INPP4B: variants seen among roughly 807,000 people sequenced by gnomAD.
The protein encoded by INPP4B is inositol polyphosphate-4-phosphatase type II B.
INPP4B carries 55 observed loss-of-function variants against 122.5 expected under a neutral mutation model. The ratio of observed to expected loss-of-function variants is 0.45; its 90% CI spans 0.36 to 0.56. INPP4B has a LOEUF of 0.56. INPP4B is among the 20% of genes least tolerant of loss of function. INPP4B has a pLI of 0.00. For missense variants in INPP4B, 1,000 were observed against 1,097.7 expected, an observed-to-expected ratio of 0.91 and a Z score of 1.26; for synonymous variants, 403 against 388.7, an observed-to-expected ratio of 1.04 and a Z score of -0.43.
intron 7 of INPP4B, among the ~76,000 whole-genome samples, chr4:142,348,795 GT>G (rs1781088009): frequency 6.6e-6 from 1 of 151,964 alleles, no homozygotes; most frequent in African/African-American, 2.4e-5. Context: ...AACCTTATCT[GT>G]CATAAGACTC....
chr4:142,029,118 T>C, intron 25 of INPP4B: 1 of 1,299,630 alleles, frequency 7.7e-7, no homozygotes. Context: ...CTGAAAGAGA[T>C]GACTTAAGTC....
intron 7 of INPP4B, among the ~76,000 whole-genome samples, chr4:142,383,354 A>C (rs1361728996): frequency 6.6e-6 from 1 of 152,168 alleles, no homozygotes; most frequent in African/African-American, 2.4e-5. Context: ...CTTATGTACC[A>C]GTGTTTCAAA....
chr4:142,339,993 T>C (rs921351471), intron 7 of INPP4B, among the ~76,000 whole-genome samples: 1 of 151,676 alleles, frequency 6.6e-6, no homozygotes, highest in Middle Eastern at 3.2e-3. Flanking sequence ...CAAAGAAAGA[T>C]TTTTTTTTAT....
chr4:142,625,633 T>C (rs540756024), intron 2 of INPP4B, among the ~76,000 whole-genome samples: 27 of 152,082 alleles, frequency 1.8e-4, no homozygotes, highest in African/African-American at 6.0e-4. Context: ...AAAAAACTAC[T>C]TTAAAGTTCA....
At chr4:142,176,118 T>TATTATTA (rs1828065582) in intron 15 of INPP4B, among the ~76,000 whole-genome samples, 2 of 137,620 alleles carry the variant, frequency 1.5e-5, no homozygotes, top group African/African-American at 5.3e-5. Flanking sequence ...ACTGCTTTCT[T>TATTATTA]TTATTATTAT....
chr4:142,543,887 T>A (rs971319789), intron 2 of INPP4B, among the ~76,000 whole-genome samples: 2 of 152,130 alleles, frequency 1.3e-5, no homozygotes, highest in Non-Finnish European at 2.9e-5. Context: ...GATATCAAAG[T>A]AAGTACAGGA....
chr4:142,307,155 C>T (rs1364007534), intron 8 of INPP4B, among the ~76,000 whole-genome samples: 4 of 152,128 alleles, frequency 2.6e-5, no homozygotes. Context: ...TGAGCTGTAT[C>T]AGCAAAGCAT....
intron 7 of INPP4B, among the ~76,000 whole-genome samples, chr4:142,316,148 G>A (rs185250334): frequency 1.3e-5 from 2 of 152,244 alleles, no homozygotes; most frequent in Admixed American, 1.3e-4. Context: ...CAATTTGTCA[G>A]TCATTATAAC....
Position 142,678,885 on chromosome 4 carries a change from TC to T in INPP4B, c.-191+46953del, listed in dbSNP as rs1169118586. Among the ~76,000 whole-genome samples the T allele has an allele frequency of 3.9e-5, 6 of 151,998 alleles. No individual in the cohort carries two copies. The East Asian group carries it at 1.2e-3, about 29-fold the overall frequency. ...TGCAATAAAGAATTGTATAAAATAT[TC>T]CTGAATCATCTTTCCAAGATACATT... is the stretch of plus-strand genomic sequence containing the variant. On this transcript the variant is annotated intron_variant, in intron 2 of 25. Transcript: ENST00000262992.
chr4:142,548,487 G>C (rs1360213324), intron 2 of INPP4B, among the ~76,000 whole-genome samples: 10 of 152,118 alleles, frequency 6.6e-5, no homozygotes, highest in Admixed American at 6.6e-4. Context: ...CGTATAGAGG[G>C]AAGAAATATG....
At chr4:142,169,647 G>T (rs911612986) in intron 16 of INPP4B, among the ~76,000 whole-genome samples, 3 of 151,596 alleles carry the variant, frequency 2.0e-5, no homozygotes, top group African/African-American at 7.3e-5. Context: ...AGAACAGTAG[G>T]AATTATAAGC....
chr4:142,359,755 G>A (rs1161135679), intron 7 of INPP4B, among the ~76,000 whole-genome samples: 2 of 152,042 alleles, frequency 1.3e-5, no homozygotes, highest in Middle Eastern at 3.4e-3. Flanking sequence ...ATGCTATTCA[G>A]ATTCAATTAT....
chr4:142,442,384 C>A (rs1354978898), intron 3 of INPP4B, among the ~76,000 whole-genome samples: 1 of 117,932 alleles, frequency 8.5e-6, no homozygotes, highest in African/African-American at 3.2e-5. Flanking sequence ...TGCACTCCAG[C>A]CTGGGCAACA....
intron 1 of INPP4B, among the ~76,000 whole-genome samples, chr4:142,832,766 C>A (rs1033072521): frequency 2.0e-5 from 3 of 151,746 alleles, no homozygotes; most frequent in Non-Finnish European, 4.4e-5. Context: ...ACTCCCCCCC[C>A]GCATTGTCTT....
chr4:142,454,182 C>T (rs2149530608), intron 3 of INPP4B, among the ~76,000 whole-genome samples: 1 of 152,178 alleles, frequency 6.6e-6, no homozygotes, highest in African/African-American at 2.4e-5. Flanking sequence ...ATTGTTTTGA[C>T]CCTACGTGTC....
chr4:142,363,416 T>C lies in INPP4B; in HGVS notation c.372+39522A>G, dbSNP rs960071929. Among the ~76,000 whole-genome samples, 3 of 151,934 alleles carry C rather than the reference T, an allele frequency of 2.0e-5. No homozygotes were observed. The South Asian group carries it at 6.2e-4, about 31-fold the overall frequency. ...ATTATAATTATATAGAGCTATATTA[T>C]TGTTACATGTGTATATATTTATATA... On this transcript the variant is annotated intron_variant, in intron 7 of 25. Coordinates refer to ENST00000262992, the MANE Select transcript of INPP4B (RefSeq NM_001101669.3).
intron 2 of INPP4B, among the ~76,000 whole-genome samples, chr4:142,626,148 TAA>T (rs1746335258): frequency 6.6e-6 from 1 of 152,102 alleles, no homozygotes; most frequent in East Asian, 1.9e-4. Context: ...CTCATTAAAC[TAA>T]AGAGCTTCTG....
At chr4:142,536,137 GGTAA>G (rs1191242391) in intron 2 of INPP4B, among the ~76,000 whole-genome samples, 8 of 151,850 alleles carry the variant, frequency 5.3e-5, no homozygotes, top group East Asian at 3.9e-4. Context: ...ATTTTTAGGG[GGTAA>G]GTAAGATTGT....
intron 2 of INPP4B, among the ~76,000 whole-genome samples, chr4:142,468,485 A>T (rs1818226539): frequency 1.3e-5 from 2 of 152,160 alleles, no homozygotes; most frequent in Admixed American, 1.3e-4. Flanking sequence ...TTGAAATTTG[A>T]TCCCAAATGA....
Sources: allele counts gnomAD v4.1 joint callset (sites outside exome capture counted in the v4.1 genomes callset), GRCh38; gene constraint gnomAD v4.1.1; transcripts MANE v1.5; gene names NCBI Gene and HGNC (gene_info 2026-07-23, HGNC 2026-07-21).